Variants in DPP6 observed in about 807,000 individuals in gnomAD.
DPP6 encodes A-type potassium channel modulatory protein DPP6.
DPP6 carries 69 observed loss-of-function variants against 122.6 expected under a neutral mutation model. The ratio of observed to expected loss-of-function variants is 0.56; its 90% CI spans 0.46 to 0.69. The LOEUF is 0.69. Among genes scored for constraint, DPP6 ranks in the 30% least tolerant of loss-of-function variants. The pLI is 0.00. For synonymous variants in DPP6, 418 were observed against 433.1 expected (o/e 0.97, Z 0.43); for missense variants, 928 against 1,116.9 (o/e 0.83, Z 2.41).
chr7:153,981,688 C>T (rs1214840466), intron 1 of DPP6, among the ~76,000 whole-genome samples: 2 of 152,094 alleles, frequency 1.3e-5, no homozygotes, highest in Non-Finnish European at 2.9e-5. Context: ...TACTAGTTTT[C>T]CCTTTCCATA....
intron 1 of DPP6, among the ~76,000 whole-genome samples, chr7:154,323,702 G>A (rs1196166407): frequency 6.6e-6 from 1 of 152,206 alleles, no homozygotes; most frequent in Non-Finnish European, 1.5e-5. Flanking sequence ...TTCAGCCTTA[G>A]TTCCTTTTCC....
intron 1 of DPP6, among the ~76,000 whole-genome samples, chr7:154,170,098 A>G (rs944260742): frequency 1.7e-4 from 26 of 152,190 alleles, no homozygotes; most frequent in Non-Finnish European, 3.1e-4. Context: ...CAGGCCCTGA[A>G]TTCTGGCACC....
rs1838416213 is a variant in DPP6, at chr7:154,669,528, G to A, written c.762+87G>A. 2.0e-5 allele frequency: 29 copies of A among 1,467,788 alleles called. 1 individual carries two copies. The South Asian group carries it at 3.7e-4, about 19-fold the overall frequency. 90.9% of individuals were successfully genotyped at this position (1,467,788 alleles called of 1,614,324 possible). On this transcript the variant is annotated intron_variant, in intron 7 of 25. Coordinates refer to ENST00000377770, the MANE Select transcript of DPP6 (RefSeq NM_130797.4). ...GAATGGATCTCACTGTACTCAGCCT[G>A]TACATGGTGTTGTGTGTGTGTGTGT...
intron 5 of DPP6, among the ~76,000 whole-genome samples, chr7:154,617,504 T>C (rs1485392591): frequency 2.0e-5 from 3 of 152,156 alleles, no homozygotes; most frequent in Admixed American, 6.5e-5. Flanking sequence ...CTAATGAGAC[T>C]CACTGACCAC....
intron 6 of DPP6, among the ~76,000 whole-genome samples, chr7:154,646,480 C>A (rs1009484551): frequency 6.7e-6 from 1 of 150,250 alleles, no homozygotes; most frequent in Non-Finnish European, 1.5e-5. Flanking sequence ...TACTCAAATC[C>A]TTCTGACCCT....
intron 1 of DPP6, among the ~76,000 whole-genome samples, chr7:154,350,672 T>C (rs1810775893): frequency 6.6e-6 from 1 of 152,068 alleles, no homozygotes; most frequent in Non-Finnish European, 1.5e-5. Context: ...TGCACCCTGG[T>C]GTTATGGGAC....
chr7:153,935,792 C>T (rs1384537637), intron 1 of DPP6, among the ~76,000 whole-genome samples: 1 of 152,186 alleles, frequency 6.6e-6, no homozygotes, highest in East Asian at 1.9e-4. Flanking sequence ...CTCCAAGCTT[C>T]CAGTCAAAGT....
chr7:154,530,498 T>C (rs1483686408), intron 3 of DPP6, among the ~76,000 whole-genome samples: 6 of 151,780 alleles, frequency 4.0e-5, no homozygotes, highest in East Asian at 3.9e-4. Flanking sequence ...AAACAACAGA[T>C]GTTGGCAAGG....
At chr7:154,254,171 A>C (rs1364588517) in intron 1 of DPP6, among the ~76,000 whole-genome samples, 1 of 152,190 alleles carries the variant, frequency 6.6e-6, no homozygotes, top group African/African-American at 2.4e-5. Context: ...TCCCTGTTCT[A>C]TATAGATGAA....
chr7:153,975,233 T>C (rs39148), intron 1 of DPP6, among the ~76,000 whole-genome samples: 2,998 of 62,852 alleles, frequency 0.048, 37 homozygotes, highest in Admixed American at 0.063. Flanking sequence ...AAGCAAGAAT[T>C]CTTAGTTTAA....
At chr7:154,832,035 AC>A (rs1800668215) in intron 16 of DPP6, among the ~76,000 whole-genome samples, 1 of 152,210 alleles carries the variant, frequency 6.6e-6, no homozygotes, top group African/African-American at 2.4e-5. Flanking sequence ...AGAAAGCAAA[AC>A]CCTGCCAGGT....
At chr7:154,831,412 G>A (rs1373667524) in intron 16 of DPP6, among the ~76,000 whole-genome samples, 2 of 152,066 alleles carry the variant, frequency 1.3e-5, no homozygotes, top group Non-Finnish European at 2.9e-5. Context: ...ATTTAAAAAG[G>A]GGAAAAAAAA....
intron 16 of DPP6, among the ~76,000 whole-genome samples, chr7:154,811,218 A>G (rs1218119675): frequency 6.6e-6 from 1 of 152,216 alleles, no homozygotes; most frequent in Non-Finnish European, 1.5e-5. Context: ...AGATTTTCTG[A>G]AAAGGTTTAA....
At chr7:153,808,381 G>GCC in the DPP6 span, among the ~76,000 whole-genome samples, 1 of 151,754 alleles carries the variant, frequency 6.6e-6, no homozygotes, top group Non-Finnish European at 1.5e-5. Context: ...GTGTGCCTGT[G>GCC]TGTGCGTGTG....
intron 1 of DPP6, among the ~76,000 whole-genome samples, chr7:154,118,056 C>T (rs1211105860): frequency 6.7e-6 from 1 of 149,252 alleles, no homozygotes; most frequent in Non-Finnish European, 1.5e-5. Flanking sequence ...ACAAGAGATG[C>T]CTGCTGGTAA....
chr7:154,863,177 C>T lies in DPP6; in HGVS notation c.1715-4818C>T, dbSNP rs145613858. On this transcript the variant is annotated intron_variant, in intron 17 of 25. Coordinates refer to ENST00000377770, the MANE Select transcript of DPP6 (RefSeq NM_130797.4). The surrounding 1 kb of genome is among the most constrained non-coding windows in gnomAD (Gnocchi z 4.1). ...TTGGCCTCCCAAAGCATTGGGATTA[C>T]AGACGTGAGCCACCGCACCCGAACC... is the stretch of plus-strand genomic sequence containing the variant. Among the ~76,000 whole-genome samples, 2 of 152,146 alleles carry T rather than the reference C, an allele frequency of 1.3e-5. No homozygotes were observed. The highest frequency in any genetic ancestry group is 2.4e-5 in the African/African-American group (1 of 41,440).
chr7:153,911,135 A>C (rs1412096393), intron 1 of DPP6, among the ~76,000 whole-genome samples: 2 of 152,190 alleles, frequency 1.3e-5, no homozygotes. Flanking sequence ...CCTGACCCCT[A>C]GCCTTGCTGG....
At chr7:154,797,907 A>T (rs184815520) in intron 12 of DPP6, among the ~76,000 whole-genome samples, 6 of 152,382 alleles carry the variant, frequency 3.9e-5, no homozygotes, top group African/African-American at 1.4e-4. Context: ...TGTGCAGGCT[A>T]CGAGGGTGAT....
chr7:154,832,879 C>G (rs1032052197), intron 16 of DPP6, among the ~76,000 whole-genome samples: 3 of 152,226 alleles, frequency 2.0e-5, no homozygotes, highest in Admixed American at 2.0e-4. Context: ...AACCACACAC[C>G]ACATCGCCAC....
Sources: gnomAD v4.1 joint callset for allele counts (sites outside exome capture counted in the v4.1 genomes callset) on GRCh38, gnomAD v4.1.1 for gene constraint, Gnocchi (gnomAD v3.1) non-coding constraint, MANE v1.5 for transcripts, NCBI Gene and HGNC (gene_info 2026-07-23, HGNC 2026-07-21) for gene names.